SUCO: variants seen among roughly 807,000 people sequenced by gnomAD.
SUCO encodes SUN domain-containing ossification factor.
In SUCO, 57 loss-of-function variants were observed where a neutral mutation model predicts 148.1. The observed-to-expected ratio is 0.38, with a 90% CI of 0.31 to 0.48. SUCO has a LOEUF of 0.48. Ranked by LOEUF, SUCO falls within the 20% of genes least tolerant of loss-of-function variation. SUCO has a pLI of 0.96. For missense variants in SUCO, 1,331 were observed against 1,468.2 expected, an observed-to-expected ratio of 0.91 and a Z score of 1.53; for synonymous variants, 470 against 502.7, an observed-to-expected ratio of 0.93 and a Z score of 0.87.
In SUCO at chr1:172,570,087, C is replaced by T; in HGVS notation, c.897C>T (p.Ala299=). The T allele has an allele frequency of 6.3e-7, 1 of 1,590,300 alleles. No homozygotes were observed. The highest frequency in any genetic ancestry group is 8.6e-7 in the Non-Finnish European group (1 of 1,166,304). Reference sequence around the variant, plus strand: ...CATCTTCTAATGGAGGTTCACATGCCACCAAAAAGGTCCAGAAAAATCGAA... The same window carrying T: ...CATCTTCTAATGGAGGTTCACATGCTACCAAAAAGGTCCAGAAAAATCGAA... ...MHASSNGGSH[A]TKKVQKNRNN... The change falls in exon 8 of 24, where the codon GCC becomes GCT. Residue 299 remains alanine (A), a synonymous_variant. Coordinates refer to ENST00000263688, the MANE Select transcript of SUCO (RefSeq NM_014283.5).
chr1:172,593,553 T>C (rs1417002307), intron 19 of SUCO, among the ~76,000 whole-genome samples: 1 of 152,206 alleles, frequency 6.6e-6, no homozygotes, highest in Non-Finnish European at 1.5e-5. Context: ...TTGTCTTTGG[T>C]TCTGTTTATA....
intron 6 of SUCO, among the ~76,000 whole-genome samples, chr1:172,559,065 A>G (rs1653949501): frequency 6.6e-6 from 1 of 152,256 alleles, no homozygotes; most frequent in Admixed American, 6.5e-5. Context: ...TATCTACTTC[A>G]GAATAACTCT....
chr1:172,545,840 A>C (rs191721727), intron 1 of SUCO, among the ~76,000 whole-genome samples: 1 of 152,214 alleles, frequency 6.6e-6, no homozygotes, highest in African/African-American at 2.4e-5. Flanking sequence ...CAATTTTACA[A>C]TGTTGATACT....
intron 17 of SUCO, chr1:172,588,460 G>C (rs1656389198): frequency 2.0e-6 from 2 of 984,462 alleles, no homozygotes; most frequent in African/African-American, 3.5e-5. Context: ...TCAGTGAATG[G>C]AAGTATTCAC....
At chr1:172,567,115 G>A (rs1158004638) in intron 6 of SUCO, among the ~76,000 whole-genome samples, 1 of 152,194 alleles carries the variant, frequency 6.6e-6, no homozygotes, top group Non-Finnish European at 1.5e-5. Flanking sequence ...TTTGGAAATG[G>A]CTCTACTTCC....
intron 11 of SUCO, among the ~76,000 whole-genome samples, chr1:172,576,653 C>T (rs898392732): frequency 6.6e-6 from 1 of 151,478 alleles, no homozygotes; most frequent in Non-Finnish European, 1.5e-5. Flanking sequence ...GTGATAAAAT[C>T]GTATTTAATT....
chr1:172,595,566 G>T (rs896706402), intron 19 of SUCO, among the ~76,000 whole-genome samples: 2 of 152,196 alleles, frequency 1.3e-5, no homozygotes, highest in Non-Finnish European at 2.9e-5. Flanking sequence ...GAAGTTCTGG[G>T]TTGAAAATTC....
intron 18 of SUCO, among the ~76,000 whole-genome samples, chr1:172,590,571 C>A (rs1656579863): frequency 6.6e-6 from 1 of 152,122 alleles, no homozygotes; most frequent in East Asian, 1.9e-4. Context: ...CATCTAGGCA[C>A]AAGTGTCCAG....
At chr1:172,572,696 T>TTAAAAAA (rs766025462) in intron 9 of SUCO, among the ~76,000 whole-genome samples, 2 of 49,606 alleles carry the variant, frequency 4.0e-5, no homozygotes, top group Admixed American at 3.1e-4. Flanking sequence ...GAATGATCAA[T>TTAAAAAA]AAAAAAAAAA....
In SUCO at chr1:172,587,027, G is replaced by A. The variant is rs141128378; in HGVS notation, c.1658+1079G>A. Among the ~76,000 whole-genome samples the A allele has an allele frequency of 8.0e-3, 1,214 of 152,084 alleles. 18 individuals are homozygous for A. The highest frequency in any genetic ancestry group is 0.028 in the African/African-American group (1,151 of 41,490). On this transcript the variant is annotated intron_variant, in intron 17 of 23. Transcript: ENST00000263688. ...ACTAGGTTTCTTCAGTTAACAACACGCTATGTCGTATTTTTCAAAACTAAA... is the reference window on the plus strand; with the variant it reads ...ACTAGGTTTCTTCAGTTAACAACACACTATGTCGTATTTTTCAAAACTAAA...
intron 6 of SUCO, 22 bp downstream of exon 6, chr1:172,557,816 T>C (rs1653861368): frequency 1.3e-6 from 2 of 1,535,664 alleles, no homozygotes; most frequent in African/African-American, 1.4e-5. Flanking sequence ...ACTTGCACTA[T>C]CTCTTACTTC....
chr1:172,548,812 G>A (rs2149225017), intron 1 of SUCO, among the ~76,000 whole-genome samples: 1 of 152,026 alleles, frequency 6.6e-6, no homozygotes, highest in East Asian at 1.9e-4. Flanking sequence ...ACGTGTCCTT[G>A]AGAAGAATGT....
chr1:172,579,921 T>C (rs1655752183), intron 15 of SUCO, among the ~76,000 whole-genome samples: 19 of 152,156 alleles, frequency 1.2e-4, no homozygotes, highest in Admixed American at 1.2e-3. Flanking sequence ...TTCTTTTTAT[T>C]TGAAAATTAT....
intron 17 of SUCO, among the ~76,000 whole-genome samples, chr1:172,586,497 C>T (rs1342184504): frequency 6.6e-6 from 1 of 151,998 alleles, no homozygotes; most frequent in Non-Finnish European, 1.5e-5. Flanking sequence ...TATCTTTTAC[C>T]TTTTTTGTCT....
chr1:172,589,640 G>A lies in SUCO; in HGVS notation c.2539G>A (p.Asp847Asn). ...EDGEAKMNIA[D>N]TAKQTLISVV... ...TGGGGAAGCCAAAATGAATATAGCT[G>A]ACACAGCAAAGCAAACTTTGATTTC... Residue 847 changes from aspartate (D) to asparagine (N), a missense_variant, in exon 18 of 24, where the codon GAC becomes AAC. Around this residue, in one of 3 missense-constraint regions of SUCO, gnomAD observed 992 missense variants for 1,093.5 expected, o/e 0.91. Coordinates refer to ENST00000263688, the MANE Select transcript of SUCO (RefSeq NM_014283.5). 2 of 1,613,872 alleles carry A rather than the reference G, an allele frequency of 1.2e-6. No individual in the cohort carries two copies. The highest frequency in any genetic ancestry group is 1.7e-6 in the Non-Finnish European group (2 of 1,179,900).
chr1:172,597,994 A>G (rs1657247025), intron 19 of SUCO, among the ~76,000 whole-genome samples: 1 of 152,224 alleles, frequency 6.6e-6, no homozygotes, highest in Admixed American at 6.5e-5. Flanking sequence ...TCTTTGCTCT[A>G]TGAAATATTT....
At position 172,558,760 on chromosome 1, in the gene SUCO, T is replaced by C. The variant is rs551576358; in HGVS notation, c.732+966T>C. The stretch of plus-strand genomic sequence containing the variant: ...TAAAGTTTAGTTGTCAGATATCACA[T>C]CCATGAATAAAATTAGACAAACGTT... On this transcript the variant is annotated intron_variant, in intron 6 of 23. Coordinates refer to ENST00000263688, the MANE Select transcript of SUCO (RefSeq NM_014283.5). 7.9e-5 allele frequency among the ~76,000 whole-genome samples: 12 copies of C among 152,348 alleles called. No individual in the cohort carries two copies. The East Asian group carries it at 2.1e-3, about 27-fold the overall frequency.
Position 172,533,367 on chromosome 1 carries a change from C to G in SUCO, c.-69C>G. On this transcript the variant is annotated 5_prime_UTR_variant, in exon 1 of 24. It adds an upstream start codon to the 5' untranslated region. Coordinates refer to ENST00000263688, the MANE Select transcript of SUCO (RefSeq NM_014283.5). ...CGCGCTCCTGCTCCGGCTCCTCCAT[C>G]TTGGCCTCGGCAGTGGCGGCTGCCG... 6.4e-7 allele frequency: 1 copy of G among 1,551,912 alleles called. No homozygotes were observed. The highest frequency in any genetic ancestry group is 8.7e-7 in the Non-Finnish European group (1 of 1,147,112).
rs1656484223 is a variant in SUCO at position 172,589,549 on chromosome 1, T to G, written c.2448T>G (p.Ile816Met). 6.2e-7 allele frequency: 1 copy of G among 1,613,730 alleles called. No homozygotes were observed. The highest frequency in any genetic ancestry group is 8.5e-7 in the Non-Finnish European group (1 of 1,179,858). ...AAGAAGATGTGAACTCCATGCAAAT[T>G]TTCACAAAGCTGTCTGAAACAATAG... ...IIKEDVNSMQ[I>M]FTKLSETIVP... Residue 816 changes from isoleucine to methionine, a missense_variant, in exon 18 of 24, where the codon ATT becomes ATG. This residue lies in a region of SUCO where 992 missense variants were observed against 1,093.5 expected (regional missense o/e 0.91). Transcript: ENST00000263688.
Sources: gnomAD v4.1 joint callset for allele counts (sites outside exome capture counted in the v4.1 genomes callset) on GRCh38, gnomAD v4.1.1 for gene constraint, gnomAD v4.1.1 regional missense constraint, MANE v1.5 for transcripts, NCBI Gene and HGNC (gene_info 2026-07-23, HGNC 2026-07-21) for gene names.